GDAP1: variants seen among roughly 807,000 people sequenced by gnomAD.
The protein encoded by GDAP1 is ganglioside-induced differentiation-associated protein 1.
In GDAP1, 34 loss-of-function variants were observed where a neutral mutation model predicts 40.1. That is an observed-to-expected ratio of 0.85 (90% CI 0.64 to 1.13). The LOEUF is 1.13. Among genes scored for constraint, GDAP1 ranks in the 50% most tolerant of loss-of-function variants. GDAP1 has a pLI of 0.00. For missense variants in GDAP1, 374 were observed against 433.7 expected (o/e 0.86, Z 1.22); for synonymous variants, 170 against 157.4 (o/e 1.08, Z -0.60).
chr8:74,478,213 G>A (rs1806660112), intron 2 of GDAP1, among the ~76,000 whole-genome samples: 1 of 152,086 alleles, frequency 6.6e-6, no homozygotes, highest in South Asian at 2.1e-4. Context: ...GGGGCAGAGT[G>A]CCCTCACACT....
Position 74,439,229 on chromosome 8 carries a change from A to G in GDAP1, c.166-49449A>G, listed in dbSNP as rs1022226448. Among the ~76,000 whole-genome samples the G allele has an allele frequency of 5.3e-5, 8 of 152,202 alleles. No individual in the cohort carries two copies. The South Asian group carries it at 6.2e-4, about 12-fold the overall frequency. Reference sequence around the variant, plus strand: ...CTACATATATATACATGTTATATATATATGTGTGTGTGTATATACACATAT... The same window carrying G: ...CTACATATATATACATGTTATATATGTATGTGTGTGTGTATATACACATAT... On this transcript the variant is annotated intron_variant, in intron 2 of 2. Coordinates refer to the GDAP1 transcript ENST00000523640.
In GDAP1 at chr8:74,365,513, T is replaced by A. The variant is rs1289307931; in HGVS notation, c.*1146T>A. The A allele has an allele frequency of 8.8e-6, 4 of 454,166 alleles. No individual in the cohort carries two copies. In the Admixed American group the frequency reaches 9.4e-5, roughly 11 times the overall value. The allele number at this position is 454,166 out of a possible 1,614,324, so 28.1% of individuals were successfully genotyped here. A position where few individuals can be genotyped will look rare whatever the true frequency, so the allele number is the denominator to read the frequency against. The stretch of plus-strand genomic sequence containing the variant: ...TGTGCTCAGAAAAAGTCTTTCATGG[T>A]GACAGGAAGACAGTTTCCCTGGAGC... On this transcript the variant is annotated 3_prime_UTR_variant, in exon 6 of 6. Coordinates refer to ENST00000220822, the MANE Select transcript of GDAP1 (RefSeq NM_018972.4).
rs746264997 is a variant in GDAP1, at chr8:74,365,594, G to A, written c.*1227G>A. On this transcript the variant is annotated 3_prime_UTR_variant, in exon 6 of 6. Coordinates refer to ENST00000220822, the MANE Select transcript of GDAP1 (RefSeq NM_018972.4). The stretch of plus-strand genomic sequence containing the variant: ...GTGTCTGGTGGGTAGCAGGCATAGA[G>A]ATGATGTGCCGAGGTCCCAGTGAAC... 1 of 454,472 alleles carries A rather than the reference G, an allele frequency of 2.2e-6. No homozygotes were observed. The allele number at this position is 454,472 out of a possible 1,614,324, so 28.2% of individuals were successfully genotyped here.
downstream of GDAP1, among the ~76,000 whole-genome samples, chr8:74,370,189 A>G (rs1444160874): frequency 6.6e-6 from 1 of 152,252 alleles, no homozygotes; most frequent in Non-Finnish European, 1.5e-5. Flanking sequence ...AAAGACTTTC[A>G]TTGCCTCATA....
chr8:74,448,015 A>T (rs1202715007), intron 2 of GDAP1, among the ~76,000 whole-genome samples: 1 of 152,194 alleles, frequency 6.6e-6, no homozygotes, highest in Non-Finnish European at 1.5e-5. Flanking sequence ...ACCTGCAGCA[A>T]ATTAAAGAAA....
At chr8:74,357,298 G>A (rs528316214) in intron 2 of GDAP1, among the ~76,000 whole-genome samples, 11 of 152,282 alleles carry the variant, frequency 7.2e-5, no homozygotes, top group African/African-American at 2.6e-4. Flanking sequence ...GGTAACCAGA[G>A]TAGTGAATTT....
At chr8:74,478,648 A>C (rs960854309) in intron 2 of GDAP1, among the ~76,000 whole-genome samples, 1 of 152,098 alleles carries the variant, frequency 6.6e-6, no homozygotes, top group African/African-American at 2.4e-5. Context: ...AAAGTCTCCT[A>C]GGCACAAGTC....
rs1463499031 is a variant in GDAP1, at chr8:74,364,483, C to T, written c.*116C>T. The T allele has an allele frequency of 1.9e-6, 2 of 1,080,720 alleles. No homozygotes were observed. Among genetic ancestry groups the T allele is most frequent in the Non-Finnish European group, 2.8e-6 (2 of 711,902 alleles). 66.9% of individuals were successfully genotyped at this position (1,080,720 alleles called of 1,614,324 possible). A position where few individuals can be genotyped will look rare whatever the true frequency, so the allele number is the denominator to read the frequency against. ...GTTAGCAGTATTTTTTCCTAAAATTCAGAAGTCATCTTTGTTACACAACAC... is the reference window on the plus strand; with the variant it reads ...GTTAGCAGTATTTTTTCCTAAAATTTAGAAGTCATCTTTGTTACACAACAC... On this transcript the variant is annotated 3_prime_UTR_variant, in exon 6 of 6. Coordinates refer to ENST00000220822, the MANE Select transcript of GDAP1 (RefSeq NM_018972.4).
intron 2 of GDAP1, among the ~76,000 whole-genome samples, chr8:74,430,138 A>G (rs193258903): frequency 6.6e-6 from 1 of 152,324 alleles, no homozygotes; most frequent in East Asian, 1.9e-4. Flanking sequence ...AACGAATACC[A>G]TTTCTCAACT....
In GDAP1 at chr8:74,443,147, G is replaced by A. The variant is rs4357276; in HGVS notation, c.166-45531G>A. On this transcript the variant is annotated intron_variant, in intron 2 of 2. Transcript: ENST00000523640. ...AAGAAACATGGTAGTGTGGTAAGAA[G>A]GAAGTGCCCAGTGAGCCTGGAGTAC... Among the ~76,000 whole-genome samples the A allele has an allele frequency of 7.2e-4, 110 of 152,308 alleles. 1 individual carries two copies. In the South Asian group the frequency reaches 0.022, roughly 31 times the overall value.
intron 2 of GDAP1, among the ~76,000 whole-genome samples, chr8:74,467,460 CT>C (rs1201684624): frequency 6.6e-6 from 1 of 151,950 alleles, no homozygotes; most frequent in Admixed American, 6.6e-5. Context: ...GGTTTGAGGG[CT>C]TATTTGAGAG....
At chr8:74,441,337 AT>A (rs1362685887) in intron 2 of GDAP1, among the ~76,000 whole-genome samples, 1 of 152,144 alleles carries the variant, frequency 6.6e-6, no homozygotes, top group African/African-American at 2.4e-5. Flanking sequence ...CATGAGTTTC[AT>A]TTAAAAAGGG....
At chr8:74,373,273 G>A (rs1050730790) in intron 2 of GDAP1, among the ~76,000 whole-genome samples, 5 of 152,264 alleles carry the variant, frequency 3.3e-5, no homozygotes, top group East Asian at 1.9e-4. Context: ...CTTTAAAGTA[G>A]TTTTTTCCAA....
intron 2 of GDAP1, among the ~76,000 whole-genome samples, chr8:74,476,348 T>A (rs1586847029): frequency 6.6e-6 from 1 of 152,192 alleles, no homozygotes; most frequent in East Asian, 1.9e-4. Flanking sequence ...GATTATTATG[T>A]CATCTTGTTT....
Position 74,403,223 on chromosome 8 carries a change from A to G in GDAP1, c.165+51902A>G, listed in dbSNP as rs556990096. Reference sequence around the variant, plus strand: ...CACTGGGTTTTTAAAAATGATATAGATGCTTTATCTTAATTGTTTAAGGTT... The same window carrying G: ...CACTGGGTTTTTAAAAATGATATAGGTGCTTTATCTTAATTGTTTAAGGTT... On this transcript the variant is annotated intron_variant, in intron 2 of 2. Transcript: ENST00000523640. Among the ~76,000 whole-genome samples, 3 of 150,240 alleles carry G rather than the reference A, an allele frequency of 2.0e-5. No homozygotes were observed. The South Asian group carries it at 6.2e-4, about 31-fold the overall frequency.
intron 2 of GDAP1, among the ~76,000 whole-genome samples, chr8:74,419,840 G>A (rs1238069786): frequency 6.6e-6 from 1 of 152,088 alleles, no homozygotes; most frequent in East Asian, 1.9e-4. Flanking sequence ...TATATATGGT[G>A]TGATGTAGCC....
chr8:74,401,862 A>C (rs1469128650), intron 2 of GDAP1, among the ~76,000 whole-genome samples: 1 of 149,970 alleles, frequency 6.7e-6, no homozygotes, highest in Non-Finnish European at 1.5e-5. Flanking sequence ...GTGTCTGCAG[A>C]ACAGCGGATT....
chr8:74,444,305 C>T (rs370998313), intron 2 of GDAP1, among the ~76,000 whole-genome samples: 2 of 151,188 alleles, frequency 1.3e-5, no homozygotes, highest in Non-Finnish European at 2.9e-5. Context: ...AGAGAAGATA[C>T]GTTAAACATA....
intron 2 of GDAP1, among the ~76,000 whole-genome samples, chr8:74,423,120 T>C (rs1435806949): frequency 6.8e-6 from 1 of 147,402 alleles, no homozygotes; most frequent in Non-Finnish European, 1.5e-5. Context: ...AATGATAACA[T>C]CATCAATTCA....
Sources: gnomAD v4.1 joint callset for allele counts (sites outside exome capture counted in the v4.1 genomes callset) on GRCh38, gnomAD v4.1.1 for gene constraint, MANE v1.5 for transcripts, NCBI Gene and HGNC (gene_info 2026-07-23, HGNC 2026-07-21) for gene names.